KIAA0825: variants seen among roughly 807,000 people sequenced by gnomAD.
KIAA0825 encodes uncharacterized protein KIAA0825.
In KIAA0825, 119 loss-of-function variants were observed where a neutral mutation model predicts 147.6. The observed-to-expected ratio is 0.81, with a 90% CI of 0.69 to 0.94. The LOEUF is 0.94. Among genes scored for constraint, KIAA0825 ranks in the 40% least tolerant of loss-of-function variants. KIAA0825 has a pLI of 0.00. For synonymous variants in KIAA0825, 470 were observed against 518.1 expected, an observed-to-expected ratio of 0.91 and a Z score of 1.26; for missense variants, 1,381 against 1,472.7, an observed-to-expected ratio of 0.94 and a Z score of 1.02.
intron 10 of KIAA0825, among the ~76,000 whole-genome samples, chr5:94,469,151 T>C (rs982106656): frequency 3.3e-5 from 5 of 152,062 alleles, no homozygotes; most frequent in Non-Finnish European, 5.9e-5. Flanking sequence ...ATAGGTAAAC[T>C]ATAACTGATC....
chr5:94,603,895 C>G (rs1181449323), intron 1 of KIAA0825, among the ~76,000 whole-genome samples: 1 of 152,150 alleles, frequency 6.6e-6, no homozygotes, highest in African/African-American at 2.4e-5. Context: ...AATATATATG[C>G]AACCAACAAA....
intron 14 of KIAA0825, among the ~76,000 whole-genome samples, chr5:94,422,841 G>C (rs185526872): frequency 1.3e-5 from 2 of 152,076 alleles, no homozygotes; most frequent in Admixed American, 6.6e-5. Context: ...TACCTAAGAC[G>C]TGTTTTCCCA....
At chr5:94,284,616 A>C (rs1295218926) in intron 20 of KIAA0825, among the ~76,000 whole-genome samples, 1 of 152,078 alleles carries the variant, frequency 6.6e-6, no homozygotes, top group Non-Finnish European at 1.5e-5. Flanking sequence ...TTCTCTTCAC[A>C]GTCTGGAATT....
intron 20 of KIAA0825, among the ~76,000 whole-genome samples, chr5:94,275,673 A>G (rs1055543644): frequency 6.6e-6 from 1 of 152,186 alleles, no homozygotes; most frequent in Non-Finnish European, 1.5e-5. Context: ...TGTAATGTCA[A>G]TTTAAAAGAC....
chr5:94,507,050 A>G (rs1417579973), intron 5 of KIAA0825, among the ~76,000 whole-genome samples: 1 of 152,218 alleles, frequency 6.6e-6, no homozygotes, highest in East Asian at 1.9e-4. Context: ...AGTGTTATGT[A>G]TAGTCAAGAA....
intron 20 of KIAA0825, among the ~76,000 whole-genome samples, chr5:94,246,603 A>G (rs1775626481): frequency 6.6e-6 from 1 of 152,154 alleles, no homozygotes; most frequent in African/African-American, 2.4e-5. Context: ...CCCTTTGTTT[A>G]TAGAATATTC....
intron 2 of KIAA0825, among the ~76,000 whole-genome samples, chr5:94,553,752 A>T (rs1776006238): frequency 6.6e-6 from 1 of 151,624 alleles, no homozygotes; most frequent in African/African-American, 2.4e-5. Context: ...AGCAACAAGA[A>T]GGAGACTGTT....
intron 20 of KIAA0825, among the ~76,000 whole-genome samples, chr5:94,292,871 T>TC (rs1777963529): frequency 2.0e-5 from 3 of 152,228 alleles, no homozygotes; most frequent in Admixed American, 2.0e-4. Context: ...TTTAACCATT[T>TC]CTTCTAGATT....
chr5:94,606,455 C>T (rs1787504136), intron 1 of KIAA0825, among the ~76,000 whole-genome samples: 1 of 152,102 alleles, frequency 6.6e-6, no homozygotes, highest in African/African-American at 2.4e-5. Context: ...CAAGGTAATC[C>T]TAAACAGAAA....
At chr5:94,430,670 C>T (rs1755545327) in intron 14 of KIAA0825, among the ~76,000 whole-genome samples, 1 of 152,082 alleles carries the variant, frequency 6.6e-6, no homozygotes, top group South Asian at 2.1e-4. Context: ...ATATAATGCC[C>T]AATCATTTTA....
At chr5:94,400,049 C>T (rs59890930) in intron 16 of KIAA0825, among the ~76,000 whole-genome samples, 6 of 152,118 alleles carry the variant, frequency 3.9e-5, no homozygotes, top group African/African-American at 1.4e-4. Flanking sequence ...GAAAAAGCCA[C>T]TACACAAACA....
At chr5:94,285,929 G>T (rs1303296449) in intron 20 of KIAA0825, among the ~76,000 whole-genome samples, 2 of 152,070 alleles carry the variant, frequency 1.3e-5, no homozygotes, top group African/African-American at 4.8e-5. Context: ...AGTCCTCAAA[G>T]AAACTTTTCC....
intron 20 of KIAA0825, among the ~76,000 whole-genome samples, chr5:94,256,110 A>G (rs1776240096): frequency 6.6e-6 from 1 of 152,100 alleles, no homozygotes; most frequent in African/African-American, 2.4e-5. Context: ...GGATGAAGTC[A>G]AGGACCATTG....
At chr5:94,179,754 C>G (rs1416415073) in intron 20 of KIAA0825, among the ~76,000 whole-genome samples, 1 of 151,758 alleles carries the variant, frequency 6.6e-6, no homozygotes, top group Non-Finnish European at 1.5e-5. Context: ...TAGGAGCCAC[C>G]CAGGAAAAGT....
At chr5:94,553,623 G>A (rs1775971331) in intron 2 of KIAA0825, among the ~76,000 whole-genome samples, 2 of 151,074 alleles carry the variant, frequency 1.3e-5, no homozygotes, top group South Asian at 2.1e-4. Flanking sequence ...AAAATTAGCC[G>A]GGCATGGTGG....
At chr5:94,442,873 GC>G (rs1307451931) in intron 13 of KIAA0825, among the ~76,000 whole-genome samples, 2 of 152,168 alleles carry the variant, frequency 1.3e-5, no homozygotes, top group African/African-American at 4.8e-5. Flanking sequence ...ATTGTGGAGA[GC>G]CTTAATATCC....
chr5:94,329,801 T>A (rs1268460895), intron 20 of KIAA0825, among the ~76,000 whole-genome samples: 1 of 151,996 alleles, frequency 6.6e-6, no homozygotes, highest in Non-Finnish European at 1.5e-5. Context: ...CTATAGCAGG[T>A]ATATTATCTT....
intron 2 of KIAA0825, among the ~76,000 whole-genome samples, chr5:94,565,094 C>CTTTTTTTTTTT (rs1285299381): frequency 3.9e-5 from 2 of 51,908 alleles, no homozygotes; most frequent in Non-Finnish European, 4.0e-5. Flanking sequence ...TTCTTGCTTT[C>CTTTTTTTTTTT]CTTTTTTTTT....
intron 20 of KIAA0825, among the ~76,000 whole-genome samples, chr5:94,350,770 A>T (rs1485096387): frequency 6.6e-6 from 1 of 152,200 alleles, no homozygotes; most frequent in Non-Finnish European, 1.5e-5. Flanking sequence ...CATACAAGGG[A>T]CATACCTTAA....
Sources: allele counts gnomAD v4.1 joint callset (sites outside exome capture counted in the v4.1 genomes callset), GRCh38; gene constraint gnomAD v4.1.1; transcripts MANE v1.5; gene names NCBI Gene and HGNC (gene_info 2026-07-23, HGNC 2026-07-21).